SLC16A2: variants seen among roughly 807,000 people sequenced by gnomAD.
SLC16A2 encodes solute carrier family 16 member 2, also known as monocarboxylate transporter 8.
Under a neutral mutation model 27.2 loss-of-function variants are expected in SLC16A2, and 3 were observed. That is an observed-to-expected ratio of 0.11 (90% CI 0.05 to 0.28). The LOEUF is 0.28. SLC16A2 is among the 10% of genes least tolerant of loss of function. The pLI, the probability that SLC16A2 is intolerant of heterozygous loss-of-function variation, is 1.00. For synonymous variants in SLC16A2, 202 were observed against 187.8 expected (o/e 1.08, Z -0.62); for missense variants, 295 against 458.5 (o/e 0.64, Z 3.26).
At chrX:74,484,376 G>A (rs1444989069) in intron 1 of SLC16A2, among the ~76,000 whole-genome samples, 2 of 112,207 alleles carry the variant, frequency 1.8e-5, no homozygotes, top group African/African-American at 6.5e-5. Context: ...GTTGACAATT[G>A]GTTGAGTTTG....
intron 1 of SLC16A2, among the ~76,000 whole-genome samples, chrX:74,443,936 A>C (rs1928796959): frequency 9.0e-6 from 1 of 111,299 alleles, no homozygotes; most frequent in Non-Finnish European, 1.9e-5. Context: ...GCAGAAGAGG[A>C]AGGCAGTTTG....
intron 1 of SLC16A2, among the ~76,000 whole-genome samples, chrX:74,449,423 A>G (rs1486986699): frequency 8.9e-6 from 1 of 112,197 alleles, no homozygotes; most frequent in Admixed American, 9.4e-5. Flanking sequence ...CTTGGAAAAC[A>G]TATGTTGTTA....
intron 1 of SLC16A2, among the ~76,000 whole-genome samples, chrX:74,482,183 C>T (rs1251518720): frequency 9.0e-6 from 1 of 110,958 alleles, no homozygotes; most frequent in Non-Finnish European, 1.9e-5. Context: ...ATTGGAATTC[C>T]TCTTATATGT....
At chrX:74,489,680 A>T (rs769144840) in intron 1 of SLC16A2, among the ~76,000 whole-genome samples, 1 of 111,257 alleles carries the variant, frequency 9.0e-6, no homozygotes, top group Admixed American at 9.6e-5. Flanking sequence ...AAATACATAG[A>T]TGTATTAGGC....
intron 1 of SLC16A2, among the ~76,000 whole-genome samples, chrX:74,514,712 A>G (rs575826944): frequency 2.5e-4 from 28 of 111,881 alleles, no homozygotes; most frequent in African/African-American, 8.4e-4. Flanking sequence ...TTACTGAGGT[A>G]AGACCACATG....
At chrX:74,443,491 AC>A (rs1432117604) in intron 1 of SLC16A2, among the ~76,000 whole-genome samples, 1 of 111,031 alleles carries the variant, frequency 9.0e-6, no homozygotes, top group Non-Finnish European at 1.9e-5. Context: ...TGGGTGAGTG[AC>A]CCCCAGTCAG....
chrX:74,519,501 C>T (rs1930369450), intron 1 of SLC16A2, among the ~76,000 whole-genome samples: 1 of 103,294 alleles, frequency 9.7e-6, no homozygotes, highest in South Asian at 4.8e-4. Flanking sequence ...ATCACAAGGT[C>T]AGGAGATCGA....
intron 1 of SLC16A2, among the ~76,000 whole-genome samples, chrX:74,507,062 C>G (rs113008662): frequency 7.7e-4 from 84 of 108,441 alleles, no homozygotes; most frequent in Admixed American, 2.5e-3. Flanking sequence ...CCCGCTCCCC[C>G]CCCAACCACA....
intron 1 of SLC16A2, among the ~76,000 whole-genome samples, chrX:74,489,564 C>A (rs772680369): frequency 8.1e-5 from 9 of 111,720 alleles, no homozygotes; most frequent in Non-Finnish European, 1.1e-4. Context: ...TTTGACTAGT[C>A]TTTTTTTGAT....
intron 1 of SLC16A2, among the ~76,000 whole-genome samples, chrX:74,511,068 C>T (rs1359370194): frequency 9.0e-6 from 1 of 111,084 alleles, no homozygotes; most frequent in Non-Finnish European, 1.9e-5. Flanking sequence ...AAGACCCTGT[C>T]TCTAAAAAGA....
At chrX:74,451,798 T>C (rs1398668471) in intron 1 of SLC16A2, among the ~76,000 whole-genome samples, 1 of 113,201 alleles carries the variant, frequency 8.8e-6, no homozygotes, top group Non-Finnish European at 1.9e-5. Flanking sequence ...AAATGTCTTA[T>C]AGAAGAATGT....
intron 1 of SLC16A2, among the ~76,000 whole-genome samples, chrX:74,455,966 C>T (rs958293039): frequency 3.6e-5 from 4 of 112,106 alleles, no homozygotes. Flanking sequence ...TTGTGTTAGG[C>T]TGTGGGGAAC....
rs1200333343 is a variant in SLC16A2 at position 74,445,706 on chromosome X, T to G, written c.430+23639T>G. Among the ~76,000 whole-genome samples, 3 of 105,925 alleles carry G rather than the reference T, an allele frequency of 2.8e-5. No individual in the cohort carries two copies. The Admixed American group carries it at 3.0e-4, about 11-fold the overall frequency. The allele number at this position is 105,925 out of a possible 115,157, so 92.0% of individuals were successfully genotyped here. A position where few individuals can be genotyped will look rare whatever the true frequency, so the allele number is the denominator to read the frequency against. ...ATAGTGATTCTAGCACCTAACACAA[T>G]GCACTATACATAGTCAGTGCTTGAT... is the stretch of plus-strand genomic sequence containing the variant. On this transcript the variant is annotated intron_variant, in intron 1 of 5. Transcript: ENST00000587091.
chrX:74,487,446 G>A (rs1162384846), intron 1 of SLC16A2, among the ~76,000 whole-genome samples: 1 of 111,527 alleles, frequency 9.0e-6, no homozygotes, highest in Non-Finnish European at 1.9e-5. Flanking sequence ...CAGACTTACA[G>A]TGGCATTTAT....
chrX:74,524,655 C>T lies in SLC16A2; in HGVS notation c.872C>T (p.Pro291Leu), dbSNP rs377614966. Reference sequence around the variant, plus strand: ...CTCCTGCCCAGCTCCCAGGACACCCCAAGCAAGAGAGGTGTCCGCACCCTG... The same window carrying T: ...CTCCTGCCCAGCTCCCAGGACACCCTAAGCAAGAGAGGTGTCCGCACCCTG... ...RPLLPSSQDT[P>L]SKRGVRTLHQ... is the part of the protein sequence containing the mutation. Residue 291 changes from proline (P) to leucine (L), a missense_variant, in exon 3 of 6, where the codon CCA (proline) becomes CTA (leucine). Coordinates refer to ENST00000587091, the MANE Select transcript of SLC16A2 (RefSeq NM_006517.5). 1.5e-5 allele frequency: 18 copies of T among 1,211,986 alleles called. No homozygotes were observed. Among genetic ancestry groups the T allele is most frequent in the Non-Finnish European group, 2.0e-5 (18 of 895,536 alleles).
intron 1 of SLC16A2, among the ~76,000 whole-genome samples, chrX:74,467,787 A>T (rs1929279776): frequency 9.0e-6 from 1 of 111,529 alleles, no homozygotes; most frequent in African/African-American, 3.3e-5. Flanking sequence ...TGACTTTGTC[A>T]GTCCCCCTCC....
At chrX:74,467,892 C>G (rs1472183070) in intron 1 of SLC16A2, among the ~76,000 whole-genome samples, 1 of 110,971 alleles carries the variant, frequency 9.0e-6, no homozygotes. Flanking sequence ...CCAGGATCAT[C>G]TTTTCCCACC....
chrX:74,512,742 G>C (rs1012275052), intron 1 of SLC16A2, among the ~76,000 whole-genome samples: 3 of 111,778 alleles, frequency 2.7e-5, no homozygotes, highest in African/African-American at 9.8e-5. Context: ...CCTGGGTAAG[G>C]AGCCAAGGCA....
intron 1 of SLC16A2, among the ~76,000 whole-genome samples, chrX:74,514,302 G>A (rs1373048446): frequency 9.1e-6 from 1 of 110,325 alleles, no homozygotes; most frequent in African/African-American, 3.3e-5. Context: ...CCAAAAGACG[G>A]GAAAAGGGGC....
Sources: allele counts gnomAD v4.1 joint callset (sites outside exome capture counted in the v4.1 genomes callset), GRCh38; gene constraint gnomAD v4.1.1; transcripts MANE v1.5; gene names NCBI Gene and HGNC (gene_info 2026-07-23, HGNC 2026-07-21).